THEMIS: variants seen among roughly 807,000 people sequenced by gnomAD.
The protein encoded by THEMIS is thymocyte selection associated.
A neutral mutation model predicts 52.6 loss-of-function variants in THEMIS; 37 were observed. The observed-to-expected ratio is 0.70, with a 90% CI of 0.54 to 0.93. The LOEUF is 0.93. Among genes scored for constraint, THEMIS ranks in the 40% least tolerant of loss-of-function variants. THEMIS has a pLI of 0.00. For synonymous variants in THEMIS, 292 were observed against 272.7 expected (o/e 1.07, Z -0.70); for missense variants, 808 against 763.1 (o/e 1.06, Z -0.69).
intron 4 of THEMIS, among the ~76,000 whole-genome samples, chr6:127,794,522 C>G (rs1490026003): frequency 6.6e-6 from 1 of 152,188 alleles, no homozygotes; most frequent in Non-Finnish European, 1.5e-5. Flanking sequence ...AATACAGGGT[C>G]TTAGTATGTT....
intron 1 of THEMIS, among the ~76,000 whole-genome samples, chr6:127,868,010 C>T (rs943686792): frequency 2.6e-5 from 4 of 151,982 alleles, no homozygotes; most frequent in African/African-American, 7.2e-5. Context: ...AATGCCTTCT[C>T]TACAGTCAAG....
downstream of THEMIS, among the ~76,000 whole-genome samples, chr6:127,704,859 C>T (rs909362594): frequency 1.3e-5 from 2 of 152,172 alleles, no homozygotes; most frequent in African/African-American, 2.4e-5. Context: ...TCTCTGTAAA[C>T]AACTAATAAA....
chr6:127,797,898 C>T (rs1479931477), intron 4 of THEMIS, among the ~76,000 whole-genome samples: 1 of 152,236 alleles, frequency 6.6e-6, no homozygotes, highest in Non-Finnish European at 1.5e-5. Context: ...GTCCTGCATA[C>T]ACAGTTCTGC....
intron 4 of THEMIS, among the ~76,000 whole-genome samples, chr6:127,734,915 G>T (rs13197669): frequency 1.3e-5 from 1 of 77,990 alleles, no homozygotes; most frequent in Admixed American, 1.6e-4. Context: ...ATATATATAT[G>T]TGTGTGTGTG....
chr6:127,768,313 C>T (rs1236758028), intron 4 of THEMIS, among the ~76,000 whole-genome samples: 1 of 152,154 alleles, frequency 6.6e-6, no homozygotes, highest in African/African-American at 2.4e-5. Context: ...TTAAATGCCA[C>T]ACTGTGTTTC....
At chr6:127,752,612 C>A (rs1328256507) in intron 4 of THEMIS, among the ~76,000 whole-genome samples, 3 of 151,182 alleles carry the variant, frequency 2.0e-5, no homozygotes, top group Non-Finnish European at 3.0e-5. Flanking sequence ...TGCAAACTAC[C>A]AAGACCCAAT....
chr6:127,787,854 G>GAGATAGACAGAT (rs757049097), intron 4 of THEMIS, among the ~76,000 whole-genome samples: 1 of 122,076 alleles, frequency 8.2e-6, no homozygotes, highest in Non-Finnish European at 1.8e-5. Flanking sequence ...GACAGATATA[G>GAGATAGACAGAT]ATAGATAGAT....
At chr6:127,912,930 C>T (rs1781443442) in intron 1 of THEMIS, among the ~76,000 whole-genome samples, 1 of 152,190 alleles carries the variant, frequency 6.6e-6, no homozygotes, top group South Asian at 2.1e-4. Context: ...AGCCTGAATT[C>T]CAATGCTTCT....
chr6:127,801,215 A>G (rs1777521447), intron 4 of THEMIS, among the ~76,000 whole-genome samples: 1 of 152,188 alleles, frequency 6.6e-6, no homozygotes, highest in South Asian at 2.1e-4. Flanking sequence ...GGAACCTTTG[A>G]CCATACGTAG....
intron 2 of THEMIS, among the ~76,000 whole-genome samples, chr6:127,836,527 A>G (rs1427725957): frequency 1.3e-5 from 2 of 152,228 alleles, no homozygotes; most frequent in Non-Finnish European, 2.9e-5. Flanking sequence ...CATTAAATTC[A>G]AATTAGAAAG....
intron 4 of THEMIS, among the ~76,000 whole-genome samples, chr6:127,744,067 T>C (rs1448917152): frequency 2.0e-5 from 3 of 152,106 alleles, no homozygotes; most frequent in Non-Finnish European, 4.4e-5. Context: ...GTGTTGACCC[T>C]AGAACAGACT....
chr6:127,887,277 G>C (rs1439752989), intron 1 of THEMIS, among the ~76,000 whole-genome samples: 1 of 152,016 alleles, frequency 6.6e-6, no homozygotes, highest in East Asian at 1.9e-4. Context: ...ATAAGAAAAA[G>C]TACTCAACAT....
At chr6:127,703,035 G>GTTTTTTTTTTTTTTTTTTTTT in the THEMIS span, among the ~76,000 whole-genome samples, 11 of 82,384 alleles carry the variant, frequency 1.3e-4, 1 homozygote, top group Non-Finnish European at 2.3e-4. Flanking sequence ...TTTAGAATGA[G>GTTTTTTTTTTTTTTTTTTTTT]TTTTTTTTTT....
At chr6:127,896,674 G>A (rs749226571) in intron 1 of THEMIS, among the ~76,000 whole-genome samples, 2 of 151,480 alleles carry the variant, frequency 1.3e-5, no homozygotes, top group Non-Finnish European at 3.0e-5. Flanking sequence ...ATAATAAATT[G>A]AGAGAACTTG....
At chr6:127,887,285 C>A (rs1780675477) in intron 1 of THEMIS, among the ~76,000 whole-genome samples, 2 of 151,998 alleles carry the variant, frequency 1.3e-5, no homozygotes, top group South Asian at 4.1e-4. Flanking sequence ...AAGTACTCAA[C>A]ATTAGTTGTC....
At chr6:127,872,705 T>A (rs1376907324) in intron 1 of THEMIS, among the ~76,000 whole-genome samples, 1 of 152,166 alleles carries the variant, frequency 6.6e-6, no homozygotes, top group Admixed American at 6.5e-5. Context: ...AAAACCTGAA[T>A]GTTTTCTCCC....
intron 2 of THEMIS, among the ~76,000 whole-genome samples, chr6:127,843,722 G>T (rs914170515): frequency 2.0e-5 from 3 of 151,980 alleles, no homozygotes; most frequent in East Asian, 1.9e-4. Context: ...TGATCAAAAG[G>T]GTATGGTAGA....
rs149952062 is a variant in THEMIS at position 127,742,901 on chromosome 6, C to T, written c.1759-23078G>A. 9.1e-3 allele frequency among the ~76,000 whole-genome samples: 1,388 copies of T among 152,042 alleles called. 13 individuals are homozygous for T. Among genetic ancestry groups the T allele is most frequent in the Middle Eastern group, 0.021 (6 of 290 alleles). On this transcript the variant is annotated intron_variant, in intron 4 of 5. Transcript: ENST00000368248. Reference sequence around the variant, plus strand: ...GGCCTTAATACACTGTAACTGTATACCTTTAAATATTGTTAAAATGGTAGA... The same window carrying T: ...GGCCTTAATACACTGTAACTGTATATCTTTAAATATTGTTAAAATGGTAGA...
At chr6:127,868,575 G>T in intron 1 of THEMIS, 1 of 544,686 alleles carries the variant, frequency 1.8e-6, no homozygotes, top group Non-Finnish European at 2.3e-6. Context: ...GGTGGATATG[G>T]GATGACTCAT....
Sources: gnomAD v4.1 joint callset for allele counts (sites outside exome capture counted in the v4.1 genomes callset) on GRCh38, gnomAD v4.1.1 for gene constraint, MANE v1.5 for transcripts, NCBI Gene and HGNC (gene_info 2026-07-23, HGNC 2026-07-21) for gene names.